MAP9: variants seen among roughly 807,000 people sequenced by gnomAD.
MAP9 encodes the protein microtubule associated protein 9.
Under a neutral mutation model 75.2 loss-of-function variants are expected in MAP9, and 80 were observed. The observed-to-expected ratio is 1.06, with a 90% CI of 0.89 to 1.28. The LOEUF is 1.28. Among genes scored for constraint, MAP9 ranks in the 50% most tolerant of loss-of-function variants. The pLI is 0.00. For missense variants in MAP9, 753 were observed against 719.9 expected, an observed-to-expected ratio of 1.05 and a Z score of -0.53; for synonymous variants, 235 against 237.3, an observed-to-expected ratio of 0.99 and a Z score of 0.09.
chr4:155,352,463 G>T, intron 13 of MAP9, 133 bp downstream of exon 13: 2 of 839,970 alleles, frequency 2.4e-6, no homozygotes, highest in Non-Finnish European at 3.7e-6. Context: ...CAGGAGGAGA[G>T]CTTGAATTCA....
Position 155,373,445 on chromosome 4 carries a change from C to A in MAP9, c.172G>T (p.Asp58Tyr). 6.5e-7 allele frequency: 1 copy of A among 1,533,704 alleles called. No individual in the cohort carries two copies. Among genetic ancestry groups the A allele is most frequent in the Non-Finnish European group, 8.7e-7 (1 of 1,143,436 alleles). Reference sequence around the variant, plus strand: ...TCATCTGCTGAAGTGTCAGAAAAATCACCTAAAGAAACTGAAAAATGGAAA... The same window carrying A: ...TCATCTGCTGAAGTGTCAGAAAAATAACCTAAAGAAACTGAAAAATGGAAA... Reference protein sequence around the residue: ...FDSDEIVSLGDFSDTSADENS... With the variant: ...FDSDEIVSLGYFSDTSADENS... Residue 58 changes from aspartate (D) to tyrosine (Y), a missense_variant, in exon 4 of 14, where the codon GAT (aspartate) becomes TAT (tyrosine). Physicochemically the swap from Asp to Tyr is radical, Grantham distance 160. Transcript: ENST00000311277.
Position 155,373,420 on chromosome 4 carries a change from T to G in MAP9, c.197A>C (p.Glu66Ala). 3 of 1,589,500 alleles carry G rather than the reference T, an allele frequency of 1.9e-6. No homozygotes were observed. Among genetic ancestry groups the G allele is most frequent in the Non-Finnish European group, 2.6e-6 (3 of 1,168,382 alleles). Residue 66 changes from glutamate (E) to alanine (A), a missense_variant, in exon 4 of 14, where the codon GAA becomes GCA. Glu to Ala is a moderately radical substitution (Grantham distance 107). Coordinates refer to ENST00000311277, the MANE Select transcript of MAP9 (RefSeq NM_001039580.2). ...ATTCATTTTTTTATTAACTGAATTT[T>G]CATCTGCTGAAGTGTCAGAAAAATC... Reference protein sequence around the residue: ...LGDFSDTSADENSVNKKMNDF... With the variant: ...LGDFSDTSADANSVNKKMNDF...
In MAP9 at chr4:155,345,179, A is replaced by G. The variant is rs972241898; in HGVS notation, c.*2604T>C. 2.6e-5 allele frequency: 4 copies of G among 152,026 alleles called. No individual in the cohort carries two copies. Among genetic ancestry groups the G allele is most frequent in the East Asian group, 1.9e-4 (1 of 5,192 alleles). 9.4% of individuals were successfully genotyped at this position (152,026 alleles called of 1,614,324 possible). On this transcript the variant is annotated 3_prime_UTR_variant, in exon 14 of 14. Transcript: ENST00000311277. ...TGGATCTTAGGAAGTAAACAACAGT[A>G]CTGTATTTTCACCCACCTCCCCGAA...
At chr4:155,362,289 T>TGA in intron 5 of MAP9, 148 bp from the exon 6 acceptor site, 1 of 550,324 alleles carries the variant, frequency 1.8e-6, no homozygotes, top group Non-Finnish European at 3.1e-6. Flanking sequence ...ACGCAAAGTG[T>TGA]GACAAGCCAA....
At chr4:155,359,006 T>C (rs1358128050) in intron 7 of MAP9, among the ~76,000 whole-genome samples, 2 of 151,904 alleles carry the variant, frequency 1.3e-5, no homozygotes, top group Non-Finnish European at 2.9e-5. Flanking sequence ...TTATGGAAAA[T>C]AGTTTGGGGA....
chr4:155,353,069 C>T lies in MAP9; in HGVS notation c.1543-12G>A. On this transcript the variant is annotated splice_polypyrimidine_tract_variant and intron_variant, in intron 11 of 13. Coordinates refer to ENST00000311277, the MANE Select transcript of MAP9 (RefSeq NM_001039580.2). ...CATTTTTCAAAAGCCTGAAAAAGTT[C>T]AGAATAATTTTCTTACTGTGAATAT... The T allele has an allele frequency of 1.3e-6, 2 of 1,537,514 alleles. No individual in the cohort carries two copies. The highest frequency in any genetic ancestry group is 1.8e-6 in the Non-Finnish European group (2 of 1,141,964).
intron 8 of MAP9, among the ~76,000 whole-genome samples, chr4:155,356,822 G>C (rs1435814435): frequency 6.6e-6 from 1 of 152,118 alleles, no homozygotes; most frequent in Non-Finnish European, 1.5e-5. Flanking sequence ...GAAAAAGCTT[G>C]CTAGCTCTGT....
At chr4:155,348,806 C>T (rs557819803) in intron 13 of MAP9, among the ~76,000 whole-genome samples, 1 of 152,208 alleles carries the variant, frequency 6.6e-6, no homozygotes. Context: ...AAACATTTTG[C>T]CTACCTTTGT....
rs1298405659 is a variant in MAP9, at chr4:155,342,996, A to G, written c.*4787T>C. 2.0e-5 allele frequency: 3 copies of G among 152,056 alleles called. No individual in the cohort carries two copies. Among genetic ancestry groups the G allele is most frequent in the Non-Finnish European group, 4.4e-5 (3 of 67,950 alleles). The allele number at this position is 152,056 out of a possible 1,614,324, so 9.4% of individuals were successfully genotyped here. On this transcript the variant is annotated 3_prime_UTR_variant, in exon 14 of 14. Coordinates refer to ENST00000311277, the MANE Select transcript of MAP9 (RefSeq NM_001039580.2). ...TAATTTACCATTTGTAAAGCAACAA[A>G]TTGCCCATTAACAATGAAATTGTAG...
In MAP9 at chr4:155,375,037, G is replaced by A. The variant is rs1300322180; in HGVS notation, c.76-16C>T. The A allele has an allele frequency of 2.0e-6, 3 of 1,531,412 alleles. No individual in the cohort carries two copies. The highest frequency in any genetic ancestry group is 2.7e-6 in the Non-Finnish European group (3 of 1,120,110). 94.9% of individuals were successfully genotyped at this position (1,531,412 alleles called of 1,614,324 possible). On this transcript the variant is annotated splice_polypyrimidine_tract_variant and intron_variant, in intron 2 of 13. Coordinates refer to ENST00000311277, the MANE Select transcript of MAP9 (RefSeq NM_001039580.2). Reference sequence around the variant, plus strand: ...TTAGCTCATCCTGAAATGAGATACTGAAATCAATTTCCATCCAAACATGGA... The same window carrying A: ...TTAGCTCATCCTGAAATGAGATACTAAAATCAATTTCCATCCAAACATGGA...
intron 13 of MAP9, among the ~76,000 whole-genome samples, chr4:155,348,784 T>C (rs571577613): frequency 3.4e-4 from 52 of 152,334 alleles, no homozygotes; most frequent in African/African-American, 1.2e-3. Context: ...ATATTAATGA[T>C]ATCTTTGCAT....
chr4:155,373,134 A>T lies in MAP9; in HGVS notation c.481+2T>A, dbSNP rs1578863385. The T allele has an allele frequency of 1.3e-6, 2 of 1,530,940 alleles. No individual in the cohort carries two copies. The highest frequency in any genetic ancestry group is 2.3e-5 in the East Asian group (1 of 43,990). The allele number at this position is 1,530,940 out of a possible 1,614,324, so 94.8% of individuals were successfully genotyped here. On this transcript the variant is annotated splice_donor_variant, in intron 4 of 13. Coordinates refer to ENST00000311277, the MANE Select transcript of MAP9 (RefSeq NM_001039580.2). LOFTEE classifies it high-confidence loss of function. ...GCAATTACAGTAATCCTAACAAATT[A>T]CCTGAAGATGTGCTTTTAATTGAAA...
At chr4:155,352,771 A>G in intron 12 of MAP9, 43 bp from the exon 13 acceptor site, 2 of 1,496,942 alleles carry the variant, frequency 1.3e-6, no homozygotes, top group Non-Finnish European at 1.8e-6. Flanking sequence ...AAAGGAAAAT[A>G]CATAATAAAG....
chr4:155,355,451 CTT>C (rs1731732221), intron 9 of MAP9, among the ~76,000 whole-genome samples: 2 of 152,064 alleles, frequency 1.3e-5, no homozygotes, highest in Non-Finnish European at 2.9e-5. Context: ...CATATATAGA[CTT>C]TACAATGTTT....
intron 4 of MAP9, among the ~76,000 whole-genome samples, chr4:155,370,909 T>C (rs1312976956): frequency 6.6e-6 from 1 of 152,164 alleles, no homozygotes; most frequent in Non-Finnish European, 1.5e-5. Flanking sequence ...ACTCATTTAA[T>C]TGCCTCAAAC....
At chr4:155,355,027 G>T in intron 10 of MAP9, 44 bp downstream of exon 10, 2 of 889,754 alleles carry the variant, frequency 2.2e-6, no homozygotes, top group Non-Finnish European at 3.4e-6. Context: ...ATATTTTACT[G>T]AAATAAAAAT....
chr4:155,364,601 A>G (rs1315889247), intron 5 of MAP9, among the ~76,000 whole-genome samples: 1 of 148,890 alleles, frequency 6.7e-6, no homozygotes, highest in African/African-American at 2.4e-5. Flanking sequence ...TATATAATAT[A>G]TATTTATTCT....
chr4:155,357,513 T>C lies in MAP9; in HGVS notation c.1057A>G (p.Ile353Val), dbSNP rs1731848473. 1.3e-6 allele frequency: 2 copies of C among 1,502,968 alleles called. No individual in the cohort carries two copies. Among genetic ancestry groups the C allele is most frequent in the Non-Finnish European group, 1.8e-6 (2 of 1,081,368 alleles). 93.1% of individuals were successfully genotyped at this position (1,502,968 alleles called of 1,614,324 possible). ...TSATASSKKT[I>V]EDRNIKNKKS... is the part of the protein sequence containing the mutation. ...TTATTCTTTATATTTCTATCTTCAA[T>C]TGTTTTCTATTAAACAGAAAATGCC... The change falls in exon 8 of 14, where the codon ATT (isoleucine) becomes GTT (valine). Residue 353 changes from isoleucine (I) to valine (V), a missense_variant. Coordinates refer to ENST00000311277, the MANE Select transcript of MAP9 (RefSeq NM_001039580.2).
intron 13 of MAP9, among the ~76,000 whole-genome samples, chr4:155,352,097 C>T (rs1260520618): frequency 6.6e-6 from 1 of 151,914 alleles, no homozygotes; most frequent in Non-Finnish European, 1.5e-5. Context: ...GCTATTGCTC[C>T]TCCTAAACCT....
Sources: gnomAD v4.1 joint callset for allele counts (sites outside exome capture counted in the v4.1 genomes callset) on GRCh38, gnomAD v4.1.1 for gene constraint, MANE v1.5 for transcripts, NCBI Gene and HGNC (gene_info 2026-07-23, HGNC 2026-07-21) for gene names.